Variants in RPAP2 observed in about 807,000 individuals in gnomAD.
The protein encoded by RPAP2 is putative RNA polymerase II subunit B1 CTD phosphatase RPAP2.
Under a neutral mutation model 73.1 loss-of-function variants are expected in RPAP2, and 52 were observed. That is an observed-to-expected ratio of 0.71 (90% CI 0.57 to 0.90). The LOEUF (loss-of-function observed/expected upper bound fraction) is 0.90. RPAP2 is among the 40% of genes least tolerant of loss of function. The pLI, the probability that RPAP2 is intolerant of heterozygous loss-of-function variation, is 0.00. For synonymous variants in RPAP2, 225 were observed against 242.1 expected, an observed-to-expected ratio of 0.93 and a Z score of 0.65; for missense variants, 598 against 701.8, an observed-to-expected ratio of 0.85 and a Z score of 1.67.
At chr1:92,367,844 A>G (rs1209202557) in intron 11 of RPAP2, among the ~76,000 whole-genome samples, 1 of 152,214 alleles carries the variant, frequency 6.6e-6, no homozygotes, top group Non-Finnish European at 1.5e-5. Context: ...TCATTTTATA[A>G]CTGCCTACTC....
rs759587588 is a variant in RPAP2 at position 92,387,048 on chromosome 1, A to G, written c.*37A>G. 35 of 1,575,364 alleles carry G rather than the reference A, an allele frequency of 2.2e-5. No individual in the cohort carries two copies. Among genetic ancestry groups the G allele is most frequent in the Non-Finnish European group, 8.7e-7 (1 of 1,153,526 alleles). On this transcript the variant is annotated 3_prime_UTR_variant, in exon 13 of 13. Coordinates refer to ENST00000610020, the MANE Select transcript of RPAP2 (RefSeq NM_024813.3). ...AAGACAAAATAGAAGATGAACTTCT[A>G]TTCACCGTTTCTGGAATTCTAGCCG...
Position 92,399,848 on chromosome 1 carries a change from T to A in RPAP2, c.*12837T>A, listed in dbSNP as rs1459880152. 6.6e-6 allele frequency: 1 copy of A among 152,132 alleles called. No homozygotes were observed. The highest frequency in any genetic ancestry group is 6.6e-5 in the Admixed American group (1 of 15,248). 9.4% of individuals were successfully genotyped at this position (152,132 alleles called of 1,614,324 possible). Reference sequence around the variant, plus strand: ...ATGGCCACAATGGGAGAAAAGACAGTCCACCTTCAAAGTCAACCAGAATGA... The same window carrying A: ...ATGGCCACAATGGGAGAAAAGACAGACCACCTTCAAAGTCAACCAGAATGA... On this transcript the variant is annotated 3_prime_UTR_variant, in exon 13 of 13. Transcript: ENST00000610020.
chr1:92,321,481 TTTC>T (rs1489977960), intron 7 of RPAP2, among the ~76,000 whole-genome samples: 8 of 152,036 alleles, frequency 5.3e-5, no homozygotes, highest in African/African-American at 1.9e-4. Context: ...TATATATTTT[TTTC>T]TTTACATTTC....
chr1:92,379,933 A>C (rs1276432970), intron 11 of RPAP2, among the ~76,000 whole-genome samples: 1 of 150,784 alleles, frequency 6.6e-6, no homozygotes, highest in Non-Finnish European at 1.5e-5. Context: ...CATCTCAAAA[A>C]ATTTAAAAAT....
At chr1:92,305,450 A>AAAAAAAAAAAAAAAG (rs1202528088) in intron 5 of RPAP2, among the ~76,000 whole-genome samples, 1 of 141,852 alleles carries the variant, frequency 7.0e-6, no homozygotes, top group Non-Finnish European at 1.5e-5. Context: ...AAAAAAAAAA[A>AAAAAAAAAAAAAAAG]AGACAATATG....
chr1:92,370,317 A>G (rs930271485), intron 11 of RPAP2, among the ~76,000 whole-genome samples: 3 of 152,220 alleles, frequency 2.0e-5, no homozygotes, highest in African/African-American at 7.2e-5. Flanking sequence ...AGAAGTGAGT[A>G]TAGGAAAGAA....
chr1:92,328,049 A>G (rs991671355), intron 8 of RPAP2, among the ~76,000 whole-genome samples: 4 of 152,204 alleles, frequency 2.6e-5, no homozygotes, highest in Admixed American at 2.0e-4. Context: ...GCTTTCCTTT[A>G]TAAGTTATCT....
At chr1:92,322,801 T>C (rs1652364473) in intron 7 of RPAP2, among the ~76,000 whole-genome samples, 1 of 151,354 alleles carries the variant, frequency 6.6e-6, no homozygotes, top group South Asian at 2.1e-4. Context: ...CGCTTGAACC[T>C]AGGGGGCAGA....
At position 92,401,692 on chromosome 1, in the gene RPAP2, ATG is replaced by A. The variant is rs950398703; in HGVS notation, c.*14683_*14684del. 13 of 152,322 alleles carry A rather than the reference ATG, an allele frequency of 8.5e-5. No individual in the cohort carries two copies. Among genetic ancestry groups the A allele is most frequent in the African/African-American group, 3.1e-4 (13 of 41,576 alleles). 9.4% of individuals were successfully genotyped at this position (152,322 alleles called of 1,614,324 possible). ...CTAGAGACCCTTTCTCAGCTTGAAG[ATG>A]TTCCCTGGTATTCATAGTTTGCTAA... On this transcript the variant is annotated 3_prime_UTR_variant, in exon 13 of 13. Transcript: ENST00000610020.
intron 8 of RPAP2, among the ~76,000 whole-genome samples, chr1:92,330,757 G>A (rs1652918851): frequency 6.6e-6 from 1 of 152,064 alleles, no homozygotes; most frequent in Admixed American, 6.6e-5. Flanking sequence ...TGGCCTGTGG[G>A]TAGTCAATTT....
intron 11 of RPAP2, among the ~76,000 whole-genome samples, chr1:92,372,102 T>C (rs1369450469): frequency 6.6e-6 from 1 of 152,190 alleles, no homozygotes; most frequent in Non-Finnish European, 1.5e-5. Flanking sequence ...CATCATGTTG[T>C]ACTCCATAAA....
intron 5 of RPAP2, among the ~76,000 whole-genome samples, chr1:92,306,565 T>G (rs767150835): frequency 2.6e-5 from 4 of 152,092 alleles, no homozygotes; most frequent in Non-Finnish European, 4.4e-5. Flanking sequence ...AAACATAATT[T>G]TAAACAAAAG....
chr1:92,353,796 C>T (rs1654331420), intron 11 of RPAP2, among the ~76,000 whole-genome samples: 3 of 152,012 alleles, frequency 2.0e-5, no homozygotes, highest in Admixed American at 6.6e-5. Flanking sequence ...GTAAGAAAAA[C>T]ATATCTTTAA....
intron 1 of RPAP2, among the ~76,000 whole-genome samples, chr1:92,299,446 G>C (rs1650625250): frequency 6.6e-6 from 1 of 152,124 alleles, no homozygotes; most frequent in Non-Finnish European, 1.5e-5. Flanking sequence ...GGGTTTCGGG[G>C]CAAGTGACTA....
intron 11 of RPAP2, chr1:92,363,800 G>A: frequency 3.7e-6 from 1 of 273,916 alleles, no homozygotes; most frequent in South Asian, 3.9e-5. Context: ...TTTATGATTT[G>A]CTTAACATTT....
chr1:92,312,665 A>T (rs984646732), intron 6 of RPAP2, among the ~76,000 whole-genome samples: 1 of 152,150 alleles, frequency 6.6e-6, no homozygotes, highest in Non-Finnish European at 1.5e-5. Context: ...TCTAATTCTT[A>T]TCTTGCTATT....
At position 92,324,133 on chromosome 1, in the gene RPAP2, G is replaced by A; in HGVS notation, c.1213G>A (p.Glu405Lys). 2 of 1,614,124 alleles carry A rather than the reference G, an allele frequency of 1.2e-6. No individual in the cohort carries two copies. Among genetic ancestry groups the A allele is most frequent in the Non-Finnish European group, 1.7e-6 (2 of 1,179,992 alleles). ...GAAACCCGAAGCCTCTCTGGTTAAAGAAGAACTTGATGAAGATGACATAAT... is the reference window on the plus strand; with the variant it reads ...GAAACCCGAAGCCTCTCTGGTTAAAAAAGAACTTGATGAAGATGACATAAT... Reference protein sequence around the residue: ...CLKPEASLVKEELDEDDIISD... With the variant: ...CLKPEASLVKKELDEDDIISD... The change falls in exon 8 of 13, where the codon GAA becomes AAA. Residue 405 changes from glutamate (E) to lysine (K), a missense_variant. Physicochemically the swap from Glu to Lys is moderately conservative, Grantham distance 56. Around this residue, in one of 3 missense-constraint regions of RPAP2, gnomAD observed 506 missense variants for 612.8 expected, o/e 0.83. Coordinates refer to ENST00000610020, the MANE Select transcript of RPAP2 (RefSeq NM_024813.3).
chr1:92,330,275 T>A (rs1407358219), intron 8 of RPAP2, among the ~76,000 whole-genome samples: 3 of 152,172 alleles, frequency 2.0e-5, no homozygotes, highest in Non-Finnish European at 4.4e-5. Flanking sequence ...TCCTTTCTTG[T>A]AATATCGTTA....
At chr1:92,305,684 G>T (rs1277572487) in intron 5 of RPAP2, among the ~76,000 whole-genome samples, 2 of 151,774 alleles carry the variant, frequency 1.3e-5, no homozygotes, top group East Asian at 3.9e-4. Flanking sequence ...CAAACTAATA[G>T]AAAAATTTAC....
Sources: gnomAD v4.1 joint callset for allele counts (sites outside exome capture counted in the v4.1 genomes callset) on GRCh38, gnomAD v4.1.1 for gene constraint, gnomAD v4.1.1 regional missense constraint, MANE v1.5 for transcripts, NCBI Gene and HGNC (gene_info 2026-07-23, HGNC 2026-07-21) for gene names.